Variants in HIBADH observed in about 807,000 individuals in gnomAD.
HIBADH encodes the protein 3-hydroxyisobutyrate dehydrogenase, also known as 3-hydroxyisobutyrate dehydrogenase, mitochondrial.
A neutral mutation model predicts 36.1 loss-of-function variants in HIBADH; 25 were observed. That is an observed-to-expected ratio of 0.69 (90% CI 0.50 to 0.97). HIBADH has a LOEUF of 0.97. Ranked by LOEUF, HIBADH falls within the 50% of genes least tolerant of loss-of-function variation. HIBADH has a pLI of 0.00. For synonymous variants in HIBADH, 160 were observed against 149.5 expected (o/e 1.07, Z -0.51); for missense variants, 421 against 418.0 (o/e 1.01, Z -0.06).
chr7:27,613,670 T>TTTG (rs779411685), intron 4 of HIBADH, among the ~76,000 whole-genome samples: 5 of 151,218 alleles, frequency 3.3e-5, no homozygotes, highest in African/African-American at 1.2e-4. Context: ...TTTTTGTTTT[T>TTTG]TTTTTTTGAG....
At chr7:27,586,891 G>A (rs1454969815) in intron 4 of HIBADH, among the ~76,000 whole-genome samples, 1 of 152,218 alleles carries the variant, frequency 6.6e-6, no homozygotes, top group Admixed American at 6.5e-5. Flanking sequence ...CAGGGCCACT[G>A]GCTGTCAGAA....
intron 6 of HIBADH, among the ~76,000 whole-genome samples, chr7:27,532,559 A>C (rs1245492774): frequency 6.6e-6 from 1 of 152,232 alleles, no homozygotes; most frequent in African/African-American, 2.4e-5. Context: ...GAATTACCAC[A>C]TAATACAACT....
chr7:27,597,476 A>G (rs1301445231), intron 4 of HIBADH, among the ~76,000 whole-genome samples: 1 of 151,624 alleles, frequency 6.6e-6, no homozygotes, highest in African/African-American at 2.4e-5. Flanking sequence ...TGATGCTCGG[A>G]GTCAATAATC....
chr7:27,661,213 C>T (rs533749543), intron 1 of HIBADH, among the ~76,000 whole-genome samples: 2 of 152,266 alleles, frequency 1.3e-5, no homozygotes, highest in South Asian at 4.1e-4. Context: ...TCTTGCATCT[C>T]ACCGAGCCTC....
intron 4 of HIBADH, among the ~76,000 whole-genome samples, chr7:27,627,750 C>T (rs927869278): frequency 2.0e-5 from 3 of 152,128 alleles, no homozygotes; most frequent in Admixed American, 2.0e-4. Flanking sequence ...AATAAATTAC[C>T]ACAAATCATC....
intron 4 of HIBADH, among the ~76,000 whole-genome samples, chr7:27,557,353 T>C (rs928500843): frequency 6.6e-6 from 1 of 152,144 alleles, no homozygotes. Flanking sequence ...CTTCCTCATA[T>C]AGGTCTTACA....
At chr7:27,536,640 C>T (rs977730637) in intron 6 of HIBADH, among the ~76,000 whole-genome samples, 4 of 152,134 alleles carry the variant, frequency 2.6e-5, no homozygotes, top group Admixed American at 2.0e-4. Context: ...ATTGTATTGC[C>T]TACAGTTGTA....
At position 27,527,942 on chromosome 7, in the gene HIBADH, T is replaced by TA. The variant is rs1554293948; in HGVS notation, c.853-1571dup. Among the ~76,000 whole-genome samples the TA allele has an allele frequency of 5.3e-3, 614 of 115,120 alleles. 19 individuals carry two copies. Among genetic ancestry groups the TA allele is most frequent in the Middle Eastern group, 9.2e-3 (2 of 218 alleles). The allele number at this position is 115,120 out of a possible 152,430, so 75.5% of individuals were successfully genotyped here. A position where few individuals can be genotyped will look rare whatever the true frequency, so the allele number is the denominator to read the frequency against. On this transcript the variant is annotated intron_variant, in intron 7 of 7. Coordinates refer to ENST00000265395, the MANE Select transcript of HIBADH (RefSeq NM_152740.4). ...CGTTTTTTTTTTTTTTTTTTTTTTT[T>TA]AGTAGAGACAGGGTTTCACCATGTT...
intron 4 of HIBADH, among the ~76,000 whole-genome samples, chr7:27,564,522 CTA>C (rs1458451559): frequency 2.6e-5 from 4 of 152,186 alleles, no homozygotes; most frequent in African/African-American, 9.6e-5. Flanking sequence ...TCACTGATCT[CTA>C]TGTCTTTCAC....
At chr7:27,579,468 C>T (rs1035525251) in intron 4 of HIBADH, among the ~76,000 whole-genome samples, 1 of 152,132 alleles carries the variant, frequency 6.6e-6, no homozygotes, top group African/African-American at 2.4e-5. Flanking sequence ...TCCAAAAGGG[C>T]AGAAAGTGAA....
At chr7:27,611,395 T>C (rs1294282438) in intron 4 of HIBADH, among the ~76,000 whole-genome samples, 3 of 152,126 alleles carry the variant, frequency 2.0e-5, no homozygotes, top group African/African-American at 7.2e-5. Flanking sequence ...AGCAATAGTT[T>C]TTAATTTAGT....
chr7:27,568,750 C>T lies in HIBADH; in HGVS notation c.485-25650G>A, dbSNP rs150737632. On this transcript the variant is annotated intron_variant, in intron 4 of 7. Transcript: ENST00000265395. ...TCTCCCAAAGTGCTGGGATTACAGGCGTGAGCCAGCACCCAGCCAACATTT... is the reference window on the plus strand; with the variant it reads ...TCTCCCAAAGTGCTGGGATTACAGGTGTGAGCCAGCACCCAGCCAACATTT... 3.3e-3 allele frequency among the ~76,000 whole-genome samples: 495 copies of T among 152,262 alleles called. 6 individuals are homozygous for T. Among genetic ancestry groups the T allele is most frequent in the African/African-American group, 0.011 (466 of 41,552 alleles).
chr7:27,576,624 G>A (rs1024930722), intron 4 of HIBADH, among the ~76,000 whole-genome samples: 4 of 152,130 alleles, frequency 2.6e-5, no homozygotes, highest in Non-Finnish European at 5.9e-5. Flanking sequence ...CCCTAAATAA[G>A]GCAATTACTT....
chr7:27,576,568 T>C (rs1484575747), intron 4 of HIBADH, among the ~76,000 whole-genome samples: 2 of 152,246 alleles, frequency 1.3e-5, no homozygotes, highest in South Asian at 2.1e-4. Flanking sequence ...TCCAATGCTA[T>C]ATTGTTTCTC....
intron 1 of HIBADH, among the ~76,000 whole-genome samples, chr7:27,656,670 G>A (rs1485784307): frequency 6.6e-6 from 1 of 152,150 alleles, no homozygotes; most frequent in Non-Finnish European, 1.5e-5. Context: ...GGTCGGAGTT[G>A]AAGAAAATTT....
intron 4 of HIBADH, among the ~76,000 whole-genome samples, chr7:27,593,249 T>C (rs139633384): frequency 1.6e-4 from 25 of 152,308 alleles, no homozygotes; most frequent in Non-Finnish European, 3.1e-4. Context: ...TTAAAGCATT[T>C]TGGATTTTCA....
chr7:27,610,379 T>C (rs1562642412), intron 4 of HIBADH, among the ~76,000 whole-genome samples: 6 of 152,088 alleles, frequency 3.9e-5, no homozygotes. Context: ...ATGCCCCAAA[T>C]GTGGTGGTGG....
In HIBADH at chr7:27,548,294, C is replaced by A. The variant is rs1193517570; in HGVS notation, c.485-5194G>T. Among the ~76,000 whole-genome samples, 3 of 151,786 alleles carry A rather than the reference C, an allele frequency of 2.0e-5. No individual in the cohort carries two copies. The East Asian group carries it at 5.8e-4, about 29-fold the overall frequency. ...ATAGTTGACATCAAAAATGTGATCA[C>A]TGGAGATCCATTCTTCAGTGGTCCT... On this transcript the variant is annotated intron_variant, in intron 4 of 7. Coordinates refer to ENST00000265395, the MANE Select transcript of HIBADH (RefSeq NM_152740.4).
chr7:27,662,129 AG>A (rs1273135692), intron 1 of HIBADH, among the ~76,000 whole-genome samples: 3 of 152,176 alleles, frequency 2.0e-5, no homozygotes, highest in Non-Finnish European at 2.9e-5. Context: ...GTTACAGTAG[AG>A]GGGGGAAGCC....
Sources: gnomAD v4.1 joint callset for allele counts (sites outside exome capture counted in the v4.1 genomes callset) on GRCh38, gnomAD v4.1.1 for gene constraint, MANE v1.5 for transcripts, NCBI Gene and HGNC (gene_info 2026-07-23, HGNC 2026-07-21) for gene names.